The following COL19A1 variants were observed in gnomAD, a reference collection of about 807,000 sequenced individuals.
COL19A1 encodes the protein collagen type XIX alpha 1 chain.
COL19A1 carries 159 observed loss-of-function variants against 190.2 expected under a neutral mutation model. The ratio of observed to expected loss-of-function variants is 0.84; its 90% CI spans 0.73 to 0.95. The LOEUF (loss-of-function observed/expected upper bound fraction) is 0.95. Ranked by LOEUF, COL19A1 falls within the 40% of genes least tolerant of loss-of-function variation. The probability of loss-of-function intolerance (pLI) is 0.00; values close to 1 mark genes in which losing one functional copy is unlikely to be tolerated. For missense variants in COL19A1, 1,418 were observed against 1,431.9 expected (o/e 0.99, Z 0.16); for synonymous variants, 509 against 458.9 (o/e 1.11, Z -1.39).
At chr6:69,932,135 T>G (rs184123865) in intron 6 of COL19A1, among the ~76,000 whole-genome samples, 64 of 152,188 alleles carry the variant, frequency 4.2e-4, no homozygotes, top group African/African-American at 1.4e-3. Flanking sequence ...GATTTTACTT[T>G]CCTTGAACTA....
chr6:70,133,996 C>T (rs553872162), intron 18 of COL19A1, among the ~76,000 whole-genome samples: 55 of 152,274 alleles, frequency 3.6e-4, no homozygotes, highest in Non-Finnish European at 7.3e-4. Context: ...TGTACATTGT[C>T]CTCCCCTTCC....
intron 9 of COL19A1, among the ~76,000 whole-genome samples, chr6:69,951,707 A>G (rs540935644): frequency 2.0e-5 from 3 of 152,078 alleles, no homozygotes; most frequent in East Asian, 3.9e-4. Flanking sequence ...GCTAAATGCT[A>G]TCAGGAGCCT....
intron 4 of COL19A1, among the ~76,000 whole-genome samples, chr6:69,901,989 G>T (rs1023673203): frequency 9.2e-5 from 14 of 152,164 alleles, no homozygotes; most frequent in Non-Finnish European, 1.8e-4. Flanking sequence ...CTTGGAATTT[G>T]TTTTCTGAAT....
At chr6:70,023,758 C>A in intron 12 of COL19A1, 78 bp downstream of exon 12, 1 of 1,388,234 alleles carries the variant, frequency 7.2e-7, no homozygotes, top group Admixed American at 2.2e-5. Flanking sequence ...TTAAGATTTG[C>A]CTATTTTTGG....
chr6:69,963,498 A>C (rs548066464), intron 11 of COL19A1, among the ~76,000 whole-genome samples: 1 of 152,302 alleles, frequency 6.6e-6, no homozygotes, highest in South Asian at 2.1e-4. Context: ...AGCTGAGGGT[A>C]GCAGTCAGCC....
chr6:70,111,612 T>G (rs775293621), intron 16 of COL19A1, among the ~76,000 whole-genome samples: 4 of 152,192 alleles, frequency 2.6e-5, no homozygotes, highest in Non-Finnish European at 4.4e-5. Context: ...ACTGATTACT[T>G]CTTCACTGGC....
intron 11 of COL19A1, among the ~76,000 whole-genome samples, chr6:69,989,181 A>G (rs1323995171): frequency 6.6e-6 from 1 of 152,120 alleles, no homozygotes; most frequent in African/African-American, 2.4e-5. Flanking sequence ...TTTTTCCTAC[A>G]TAACTAGCTC....
chr6:70,050,155 TTAAG>T (rs941199848), intron 14 of COL19A1, among the ~76,000 whole-genome samples: 4 of 152,148 alleles, frequency 2.6e-5, no homozygotes, highest in South Asian at 2.1e-4. Flanking sequence ...GTAGTGATGA[TTAAG>T]TGAGTTAATA....
rs1177835344 is a variant in COL19A1, at chr6:70,180,482, G to C, written c.2734G>C (p.Asp912His). 6.2e-7 allele frequency: 1 copy of C among 1,614,152 alleles called. No individual in the cohort carries two copies. The highest frequency in any genetic ancestry group is 2.2e-5 in the East Asian group (1 of 44,870). Residue 912 changes from aspartate (D) to histidine (H), a missense_variant, in exon 44 of 51, where the codon GAT becomes CAT. Transcript: ENST00000620364. Reference sequence around the variant, plus strand: ...ATAGGGTGAGAGAGGACCTGTTGGAGATATAGGTTTCCCTGGACCAGAAGG... The same window carrying C: ...ATAGGGTGAGAGAGGACCTGTTGGACATATAGGTTTCCCTGGACCAGAAGG... The part of the protein sequence containing the change: ...GEPGERGPVG[D>H]IGFPGPEGPS...
chr6:69,901,421 G>A (rs80142272), intron 4 of COL19A1, among the ~76,000 whole-genome samples: 16,406 of 152,162 alleles, frequency 0.11, 977 homozygotes, highest in Middle Eastern at 0.16. Flanking sequence ...GACTGAAATG[G>A]CTCCTTAAAA....
intron 12 of COL19A1, among the ~76,000 whole-genome samples, chr6:70,027,758 A>G (rs539611624): frequency 2.0e-5 from 3 of 152,184 alleles, no homozygotes; most frequent in Non-Finnish European, 4.4e-5. Flanking sequence ...CTTTACACAC[A>G]ATCTAGTGTA....
chr6:70,008,244 C>T (rs1185606828), intron 11 of COL19A1, among the ~76,000 whole-genome samples: 3 of 151,132 alleles, frequency 2.0e-5, no homozygotes, highest in African/African-American at 7.3e-5. Flanking sequence ...AAACTAATAC[C>T]ATCAAAAGTT....
intron 15 of COL19A1, among the ~76,000 whole-genome samples, chr6:70,077,205 A>G (rs1054595278): frequency 6.6e-6 from 1 of 152,224 alleles, no homozygotes; most frequent in Admixed American, 6.5e-5. Context: ...AAGCAACTTT[A>G]ATTTTATAGC....
At chr6:69,965,045 C>A (rs1205742247) in intron 11 of COL19A1, among the ~76,000 whole-genome samples, 2 of 152,174 alleles carry the variant, frequency 1.3e-5, no homozygotes, top group Non-Finnish European at 2.9e-5. Context: ...GTCTATGAAA[C>A]ATTCACATTG....
intron 15 of COL19A1, among the ~76,000 whole-genome samples, chr6:70,080,768 G>A (rs1032898946): frequency 8.6e-5 from 13 of 152,042 alleles, no homozygotes; most frequent in African/African-American, 2.9e-4. Flanking sequence ...ATTATGTATC[G>A]TTTCCAAGCG....
intron 1 of COL19A1, among the ~76,000 whole-genome samples, chr6:69,873,146 G>A (rs1032427635): frequency 1.1e-4 from 17 of 152,018 alleles, no homozygotes; most frequent in African/African-American, 3.6e-4. Flanking sequence ...TGCTCTGGAT[G>A]TGCACCCGCT....
chr6:69,877,986 G>A (rs1768245745), intron 1 of COL19A1, among the ~76,000 whole-genome samples: 1 of 151,910 alleles, frequency 6.6e-6, no homozygotes, highest in Non-Finnish European at 1.5e-5. Context: ...ACTCTAGCCT[G>A]GGCTACAGAG....
intron 17 of COL19A1, among the ~76,000 whole-genome samples, chr6:70,122,151 T>G (rs1784921240): frequency 6.6e-6 from 1 of 151,988 alleles, no homozygotes; most frequent in Non-Finnish European, 1.5e-5. Flanking sequence ...GGTTTTATCC[T>G]AATAAGTTTT....
Position 70,145,012 on chromosome 6 carries a change from G to A in COL19A1, c.1770+5G>A. 6.4e-7 allele frequency: 1 copy of A among 1,563,882 alleles called. No homozygotes were observed. Among genetic ancestry groups the A allele is most frequent in the African/African-American group, 1.4e-5 (1 of 69,646 alleles). ...AAAAGCCTGCCAGGGGAACCAGTAA[G>A]TATTAGCCCTTTTGTTAATATTTTT... is the stretch of plus-strand genomic sequence containing the variant. On this transcript the variant is annotated splice_donor_5th_base_variant and intron_variant, in intron 25 of 50. Transcript: ENST00000620364.
Sources: gnomAD v4.1 joint callset for allele counts (sites outside exome capture counted in the v4.1 genomes callset) on GRCh38, gnomAD v4.1.1 for gene constraint, MANE v1.5 for transcripts, NCBI Gene and HGNC (gene_info 2026-07-23, HGNC 2026-07-21) for gene names.